The following HTR3B variants were observed in gnomAD, a reference collection of about 807,000 sequenced individuals.
The protein encoded by HTR3B is 5-hydroxytryptamine (serotonin) receptor 3B, ionotropic.
In HTR3B, 44 loss-of-function variants were observed where a neutral mutation model predicts 42.8. That is an observed-to-expected ratio of 1.03 (90% confidence interval 0.81 to 1.32). HTR3B has a LOEUF of 1.32. HTR3B is among the 40% of genes most tolerant of loss of function. The probability of loss-of-function intolerance (pLI) is 0.00; values close to 1 mark genes in which losing one functional copy is unlikely to be tolerated. For synonymous variants in HTR3B, 203 were observed against 209.0 expected (o/e 0.97, Z 0.25); for missense variants, 527 against 536.5 (o/e 0.98, Z 0.17).
intron 2 of HTR3B, among the ~76,000 whole-genome samples, chr11:113,910,157 G>C (rs979883621): frequency 6.6e-6 from 1 of 152,030 alleles, no homozygotes; most frequent in Admixed American, 6.6e-5. Flanking sequence ...ATTTAAAAGA[G>C]AGAAAAAAAT....
At chr11:113,904,254 C>G (rs1949717866), upstream of HTR3B, among the ~76,000 whole-genome samples, 1 of 152,112 alleles carries the variant, frequency 6.6e-6, no homozygotes, top group African/African-American at 2.4e-5. Flanking sequence ...CTAGAAGCAT[C>G]CTTTCTAGAA....
At chr11:113,923,033 T>TA (rs1350058925) in intron 2 of HTR3B, among the ~76,000 whole-genome samples, 1 of 152,188 alleles carries the variant, frequency 6.6e-6, no homozygotes, top group Admixed American at 6.5e-5. Flanking sequence ...ATGAATGAAT[T>TA]AAAAAATATA....
chr11:113,929,431 G>C (rs943199706), intron 2 of HTR3B, among the ~76,000 whole-genome samples: 2 of 151,930 alleles, frequency 1.3e-5, no homozygotes, highest in Non-Finnish European at 2.9e-5. Flanking sequence ...ACTTTCAGAT[G>C]GTCACCTTTT....
Position 113,948,665 on chromosome 11 carries a change from A to T in HTR3B, c.*2528A>T, listed in dbSNP as rs1950197123. Among the ~76,000 whole-genome samples, 1 of 152,140 alleles carries T rather than the reference A, an allele frequency of 6.6e-6. No homozygotes were observed. Among genetic ancestry groups the T allele is most frequent in the Non-Finnish European group, 1.5e-5 (1 of 68,020 alleles). Reference sequence around the variant, plus strand: ...GATTACCTGAGGTCAGGAGTTTGAGACCAGCCTGACCAACATGGAGAAACC... The same window carrying T: ...GATTACCTGAGGTCAGGAGTTTGAGTCCAGCCTGACCAACATGGAGAAACC... On this transcript the variant is annotated 3_prime_UTR_variant, in exon 9 of 9. Coordinates refer to ENST00000260191, the MANE Select transcript of HTR3B (RefSeq NM_006028.5).
intron 6 of HTR3B, among the ~76,000 whole-genome samples, chr11:113,937,888 A>C (rs187556550): frequency 2.6e-5 from 4 of 152,364 alleles, no homozygotes; most frequent in Admixed American, 1.3e-4. Flanking sequence ...TCTTGCAGTT[A>C]TGTAGGCTGT....
intron 6 of HTR3B, among the ~76,000 whole-genome samples, chr11:113,940,141 C>T (rs536554331): frequency 1.4e-4 from 21 of 152,228 alleles, no homozygotes; most frequent in South Asian, 4.1e-4. Flanking sequence ...CCCGCGTTGG[C>T]CTCCCAAAGT....
rs1370847198 is a variant in HTR3B at position 113,948,129 on chromosome 11, T to A, written c.*1992T>A. On this transcript the variant is annotated 3_prime_UTR_variant, in exon 9 of 9. Coordinates refer to ENST00000260191, the MANE Select transcript of HTR3B (RefSeq NM_006028.5). ...TGAAATGAGGAACATAAGAAGTTTG[T>A]GAACAGGAAGTGTCCATGCAAACCT... Among the ~76,000 whole-genome samples the A allele has an allele frequency of 2.6e-5, 4 of 152,226 alleles. No individual in the cohort carries two copies. Among genetic ancestry groups the A allele is most frequent in the African/African-American group, 9.6e-5 (4 of 41,460 alleles).
intron 6 of HTR3B, among the ~76,000 whole-genome samples, chr11:113,935,728 T>C (rs1950086219): frequency 6.6e-6 from 1 of 152,146 alleles, no homozygotes; most frequent in African/African-American, 2.4e-5. Context: ...ATGCCAACAC[T>C]GGGCCTGCCA....
Position 113,948,417 on chromosome 11 carries a change from C to T in HTR3B, c.*2280C>T, listed in dbSNP as rs965801448. Among the ~76,000 whole-genome samples, 3 of 152,222 alleles carry T rather than the reference C, an allele frequency of 2.0e-5. No individual in the cohort carries two copies. Among genetic ancestry groups the T allele is most frequent in the Admixed American group, 6.5e-5 (1 of 15,282 alleles). ...AGTCAGGAGTCCTGATGATTACGGT[C>T]CTGGCTCTGCCATTACCTAGCCAGG... On this transcript the variant is annotated 3_prime_UTR_variant, in exon 9 of 9. Transcript: ENST00000260191.
intron 6 of HTR3B, among the ~76,000 whole-genome samples, chr11:113,933,382 C>T (rs61907916): frequency 0.053 from 8,034 of 152,144 alleles, 268 homozygotes; most frequent in African/African-American, 0.081. Flanking sequence ...TTTCCACACA[C>T]ACTTACATTA....
At position 113,932,459 on chromosome 11, in the gene HTR3B, G is replaced by C. The variant is rs1268443887; in HGVS notation, c.538+1G>C. On this transcript the variant is annotated splice_donor_variant, in intron 5 of 8. Coordinates refer to ENST00000260191, the MANE Select transcript of HTR3B (RefSeq NM_006028.5). LOFTEE classifies it high-confidence loss of function. The stretch of plus-strand genomic sequence containing the variant: ...ACCTTCAAGAGCATTCTGCATACAG[G>C]TAAACCATGAGAGATACCCATTAAT... The C allele has an allele frequency of 1.2e-6, 2 of 1,612,128 alleles. No individual in the cohort carries two copies. Among genetic ancestry groups the C allele is most frequent in the African/African-American group, 2.7e-5 (2 of 74,882 alleles).
chr11:113,920,789 G>A (rs1434848475), intron 2 of HTR3B, among the ~76,000 whole-genome samples: 7 of 152,250 alleles, frequency 4.6e-5, no homozygotes, highest in South Asian at 2.1e-4. Flanking sequence ...TAAACAGCTT[G>A]AATAGAAAAT....
In HTR3B at chr11:113,944,629, G is replaced by T; in HGVS notation, c.964G>T (p.Val322Leu). 1.2e-6 allele frequency: 2 copies of T among 1,614,144 alleles called. No homozygotes were observed. Among genetic ancestry groups the T allele is most frequent in the South Asian group, 2.2e-5 (2 of 91,082 alleles). Reference sequence around the variant, plus strand: ...GGTTCTCAGCTTAGCTAAGTCCATCGTGTTGGTCAAATTCCTCCATGATGA... The same window carrying T: ...GGTTCTCAGCTTAGCTAAGTCCATCTTGTTGGTCAAATTCCTCCATGATGA... ...FLVLSLAKSI[V>L]LVKFLHDEQR... Residue 322 changes from valine to leucine, a missense_variant, in exon 8 of 9, where the codon GTG (valine) becomes TTG (leucine). Transcript: ENST00000260191.
chr11:113,926,375 A>T (rs944468318), intron 2 of HTR3B, among the ~76,000 whole-genome samples: 8 of 151,984 alleles, frequency 5.3e-5, no homozygotes, highest in Non-Finnish European at 1.2e-4. Flanking sequence ...TCTCGTGGTT[A>T]TATACTTCTG....
chr11:113,911,212 C>T (rs766033679), intron 2 of HTR3B, among the ~76,000 whole-genome samples: 1 of 152,022 alleles, frequency 6.6e-6, no homozygotes, highest in Non-Finnish European at 1.5e-5. Flanking sequence ...TTGCTAATTA[C>T]ATATACCCAT....
At chr11:113,914,234 G>A (rs35125461) in intron 2 of HTR3B, among the ~76,000 whole-genome samples, 31,838 of 151,598 alleles carry the variant, frequency 0.21, 3,373 homozygotes, top group Middle Eastern at 0.31. Context: ...TCGGGAGGCC[G>A]AGGCAGGTGG....
chr11:113,914,185 T>G (rs963505301), intron 2 of HTR3B, among the ~76,000 whole-genome samples: 1 of 152,052 alleles, frequency 6.6e-6, no homozygotes, highest in Non-Finnish European at 1.5e-5. Context: ...TAAATTAAAT[T>G]GGCTGGGCGC....
At chr11:113,932,643 T>C (rs1163358537) in intron 5 of HTR3B, among the ~76,000 whole-genome samples, 185 bp downstream of exon 5, 1 of 74,224 alleles carries the variant, frequency 1.3e-5, no homozygotes, top group Non-Finnish European at 2.4e-5. Context: ...CCCCCATAGT[T>C]GTTTTGGAAA....
intron 6 of HTR3B, among the ~76,000 whole-genome samples, chr11:113,938,361 C>A (rs1223647605): frequency 2.6e-5 from 4 of 152,084 alleles, no homozygotes; most frequent in Non-Finnish European, 5.9e-5. Context: ...TCCAAAATAT[C>A]ATCTAAATAT....
Sources: allele counts gnomAD v4.1 joint callset (sites outside exome capture counted in the v4.1 genomes callset), GRCh38; gene constraint gnomAD v4.1.1; transcripts MANE v1.5; gene names NCBI Gene and HGNC (gene_info 2026-07-23, HGNC 2026-07-21).